LARS2: variants seen among roughly 807,000 people sequenced by gnomAD.
LARS2 encodes leucyl-tRNA synthetase 2, mitochondrial, also known as leucine--tRNA ligase, mitochondrial.
A neutral mutation model predicts 116.6 loss-of-function variants in LARS2; 81 were observed. That is an observed-to-expected ratio of 0.69 (90% confidence interval 0.58 to 0.84). LARS2 has a LOEUF of 0.84. Ranked by LOEUF, LARS2 falls within the 40% of genes least tolerant of loss-of-function variation. The pLI is 0.00. For synonymous variants in LARS2, 396 were observed against 407.2 expected, an observed-to-expected ratio of 0.97 and a Z score of 0.33; for missense variants, 968 against 1,114.5, an observed-to-expected ratio of 0.87 and a Z score of 1.87.
At chr3:45,401,967 G>A (rs144666677) in intron 4 of LARS2, among the ~76,000 whole-genome samples, 1 of 152,168 alleles carries the variant, frequency 6.6e-6, no homozygotes, top group East Asian at 1.9e-4. Flanking sequence ...CTTTAAGATG[G>A]GTGTTGGATA....
At chr3:45,498,134 CTCAGAGTGCT>C (rs1700049260) in intron 14 of LARS2, among the ~76,000 whole-genome samples, 1 of 152,192 alleles carries the variant, frequency 6.6e-6, no homozygotes. Context: ...TCTTTCCTTT[CTCAGAGTGCT>C]TCAAAGGAAA....
chr3:45,478,716 AT>A (rs1699653761), intron 10 of LARS2, among the ~76,000 whole-genome samples: 1 of 152,136 alleles, frequency 6.6e-6, no homozygotes, highest in South Asian at 2.1e-4. Flanking sequence ...TGGCAGTAAA[AT>A]TTTCCAATTC....
intron 10 of LARS2, among the ~76,000 whole-genome samples, chr3:45,477,201 T>C (rs914949109): frequency 6.6e-6 from 1 of 152,232 alleles, no homozygotes; most frequent in Non-Finnish European, 1.5e-5. Context: ...GATTTGAAGA[T>C]TCTGTGGTTG....
rs141789804 is a variant in LARS2 at position 45,440,544 on chromosome 3, A to T, written c.517-6347A>T. Among the ~76,000 whole-genome samples, 25 of 152,262 alleles carry T rather than the reference A, an allele frequency of 1.6e-4. No individual in the cohort carries two copies. In the East Asian group the frequency reaches 4.4e-3, roughly 27 times the overall value. The stretch of plus-strand genomic sequence containing the variant: ...TCTGACATGCTTACAGGGCCGCCGG[A>T]TGATTGACTTGATAAACATGTTGCC... On this transcript the variant is annotated intron_variant, in intron 6 of 21. Coordinates refer to ENST00000645846, the MANE Select transcript of LARS2 (RefSeq NM_015340.4).
chr3:45,437,304 A>G (rs1351256611), intron 6 of LARS2, among the ~76,000 whole-genome samples: 2 of 152,232 alleles, frequency 1.3e-5, no homozygotes, highest in African/African-American at 4.8e-5. Flanking sequence ...TTTTCAGCCT[A>G]AAGTTAGTCC....
chr3:45,494,537 G>C (rs1422750028), intron 13 of LARS2, among the ~76,000 whole-genome samples: 1 of 152,190 alleles, frequency 6.6e-6, no homozygotes, highest in Non-Finnish European at 1.5e-5. Flanking sequence ...TTAGAAGGGA[G>C]AGCCTGCTAT....
At chr3:45,521,004 G>A (rs559913697) in intron 19 of LARS2, among the ~76,000 whole-genome samples, 101 of 152,166 alleles carry the variant, frequency 6.6e-4, no homozygotes, top group Middle Eastern at 6.8e-3. Flanking sequence ...CCTGGGCCGC[G>A]TAGAAAATAA....
chr3:45,473,484 A>G (rs900354399), intron 8 of LARS2, among the ~76,000 whole-genome samples: 3 of 151,812 alleles, frequency 2.0e-5, no homozygotes, highest in Non-Finnish European at 4.4e-5. Context: ...TCAGGGTTCA[A>G]GCAATTCTCC....
At chr3:45,497,391 C>T (rs1477766287) in intron 14 of LARS2, among the ~76,000 whole-genome samples, 2 of 152,058 alleles carry the variant, frequency 1.3e-5, no homozygotes, top group Non-Finnish European at 1.5e-5. Flanking sequence ...TTCCAGAGCC[C>T]AGGAAAAAAC....
chr3:45,400,254 C>G lies in LARS2; in HGVS notation c.244C>G (p.Pro82Ala), dbSNP rs1698120816. The change falls in exon 4 of 22, where the codon CCA (proline) becomes GCA (alanine). Residue 82 changes from proline to alanine, a missense_variant. Pro to Ala is a conservative substitution (Grantham distance 27, BLOSUM62 -1). Transcript: ENST00000645846. The stretch of plus-strand genomic sequence containing the variant: ...TGTCGTTCTTTCCTAGAAATCGAAG[C>G]CAAAATTTTACGTGCTTTCCATGTT... ...SKISEADKSK[P>A]KFYVLSMFPY... 1.9e-6 allele frequency: 3 copies of G among 1,612,530 alleles called. No individual in the cohort carries two copies. The highest frequency in any genetic ancestry group is 2.5e-6 in the Non-Finnish European group (3 of 1,179,462).
At chr3:45,496,210 A>C in intron 13 of LARS2, 65 bp from the exon 14 acceptor site, 1 of 1,253,756 alleles carries the variant, frequency 8.0e-7, no homozygotes, top group Non-Finnish European at 1.2e-6. Context: ...CTCTCTCAAA[A>C]GCTGATGGAA....
chr3:45,520,259 C>T lies in LARS2; in HGVS notation c.2255C>T (p.Ala752Val). ...ACAGAGGACTTCTCACTGAATTCTG[C>T]AATTTCTCAGCTGATGGGACTCAGC... is the stretch of plus-strand genomic sequence containing the variant. ...HFTEDFSLNS[A>V]ISQLMGLSNA... The change falls in exon 19 of 22, where the codon GCA (alanine) becomes GTA (valine). Residue 752 changes from alanine (A) to valine (V), a missense_variant. Transcript: ENST00000645846. The T allele has an allele frequency of 1.2e-6, 2 of 1,613,522 alleles. No individual in the cohort carries two copies. The highest frequency in any genetic ancestry group is 1.7e-6 in the Non-Finnish European group (2 of 1,179,572).
Position 45,536,260 on chromosome 3 carries a change from G to A in LARS2, c.2405-5569G>A, listed in dbSNP as rs756570528. 3.9e-5 allele frequency among the ~76,000 whole-genome samples: 6 copies of A among 152,178 alleles called. No homozygotes were observed. In the South Asian group the frequency reaches 6.2e-4, roughly 16 times the overall value. On this transcript the variant is annotated intron_variant, in intron 20 of 21. Coordinates refer to ENST00000645846, the MANE Select transcript of LARS2 (RefSeq NM_015340.4). ...CCTCAGCCTCCTGAGGAGCTGGGAC[G>A]TAGGCATGCACCACCACATCTGGCT...
chr3:45,392,049 A>G (rs1697962085), intron 2 of LARS2, among the ~76,000 whole-genome samples: 1 of 152,186 alleles, frequency 6.6e-6, no homozygotes, highest in Non-Finnish European at 1.5e-5. Context: ...TTGGCTTGCA[A>G]AGGTATGAAA....
At chr3:45,522,104 C>G (rs765130117) in intron 19 of LARS2, among the ~76,000 whole-genome samples, 1 of 151,720 alleles carries the variant, frequency 6.6e-6, no homozygotes, top group African/African-American at 2.4e-5. Context: ...GACTCTCTCT[C>G]AAAAAAATAA....
Position 45,530,372 on chromosome 3 carries a change from T to C in LARS2, c.2404+6264T>C, listed in dbSNP as rs1700597100. ...CCATCTCTATTAAAAATACAAAAATTAGCTGGGCATGGTGGCATGTGCCTG... is the reference window on the plus strand; with the variant it reads ...CCATCTCTATTAAAAATACAAAAATCAGCTGGGCATGGTGGCATGTGCCTG... On this transcript the variant is annotated intron_variant, in intron 20 of 21. Coordinates refer to ENST00000645846, the MANE Select transcript of LARS2 (RefSeq NM_015340.4). 2.0e-5 allele frequency among the ~76,000 whole-genome samples: 3 copies of C among 152,230 alleles called. No individual in the cohort carries two copies. The South Asian group carries it at 6.2e-4, about 32-fold the overall frequency.
chr3:45,473,484 AG>A (rs1261202098), intron 8 of LARS2, among the ~76,000 whole-genome samples: 1 of 151,812 alleles, frequency 6.6e-6, no homozygotes, highest in African/African-American at 2.4e-5. Context: ...TCAGGGTTCA[AG>A]CAATTCTCCT....
chr3:45,544,523 C>T (rs1008151097), intron 21 of LARS2, among the ~76,000 whole-genome samples: 2 of 152,320 alleles, frequency 1.3e-5, no homozygotes, highest in East Asian at 1.9e-4. Context: ...CCCAGGGCCA[C>T]GCTCTGCCCT....
chr3:45,435,952 GA>G (rs34092213), intron 6 of LARS2, among the ~76,000 whole-genome samples: 24,926 of 152,190 alleles, frequency 0.16, 2,082 homozygotes, highest in Middle Eastern at 0.22. Context: ...CACCTCTGGT[GA>G]GATTCTGATC....
Sources: allele counts gnomAD v4.1 joint callset (sites outside exome capture counted in the v4.1 genomes callset), GRCh38; gene constraint gnomAD v4.1.1; transcripts MANE v1.5; gene names NCBI Gene and HGNC (gene_info 2026-07-23, HGNC 2026-07-21).